The following GALNT15 variants were observed in gnomAD, a reference collection of about 807,000 sequenced individuals.
The protein encoded by GALNT15 is UDP-GalNAc transferase T15.
Under a neutral mutation model 66.8 loss-of-function variants are expected in GALNT15, and 67 were observed. The observed-to-expected ratio is 1.00, with a 90% CI of 0.82 to 1.23. The LOEUF (loss-of-function observed/expected upper bound fraction) is 1.23, where lower values mean the gene tolerates loss of function less well. GALNT15 is among the 50% of genes most tolerant of loss of function. The pLI is 0.00. For synonymous variants in GALNT15, 313 were observed against 311.5 expected (o/e 1.00, Z -0.05); for missense variants, 827 against 804.3 (o/e 1.03, Z -0.34).
In GALNT15 at chr3:16,209,588, C is replaced by A. The variant is rs1226518000; in HGVS notation, c.1079+918C>A. On this transcript the variant is annotated intron_variant, in intron 4 of 9. Transcript: ENST00000339732. The surrounding 1 kb of genome is among the most constrained non-coding windows in gnomAD (Gnocchi z 4.1). ...ATCCTAGCACTTTGGGAGGCAGAGG[C>A]GGGCTGATCACTCGAGGCCAGGAGT... 1.3e-5 allele frequency among the ~76,000 whole-genome samples: 2 copies of A among 152,036 alleles called. No individual in the cohort carries two copies. The highest frequency in any genetic ancestry group is 1.5e-5 in the Non-Finnish European group (1 of 68,012).
In GALNT15 at chr3:16,227,498, T is replaced by C. The variant is rs138151882; in HGVS notation, c.1918T>C (p.Ter640ArgextTer39). 5.5e-5 allele frequency: 89 copies of C among 1,614,156 alleles called. No individual in the cohort carries two copies. The highest frequency in any genetic ancestry group is 4.9e-4 in the Middle Eastern group (3 of 6,062). ...FDQINAVDER[*>R] The stretch of plus-strand genomic sequence containing the variant: ...CCAGATCAATGCTGTGGATGAACGA[T>C]GAATGTCAATGTCAGAAGGAAAAGA... Residue 640 changes from the stop codon to arginine (R), a stop_lost, in exon 10 of 10, where the codon TGA (stop) becomes CGA (arginine). Coordinates refer to ENST00000339732, the MANE Select transcript of GALNT15 (RefSeq NM_054110.5). The surrounding 1 kb of genome is among the most constrained non-coding windows in gnomAD (Gnocchi z 4.5).
Position 16,219,878 on chromosome 3 carries a change from GA to G in GALNT15, c.1525-30del. 1 of 1,555,110 alleles carries G rather than the reference GA, an allele frequency of 6.4e-7. No individual in the cohort carries two copies. The highest frequency in any genetic ancestry group is 8.9e-7 in the Non-Finnish European group (1 of 1,126,722). On this transcript the variant is annotated intron_variant, in intron 7 of 9. Transcript: ENST00000339732. The surrounding 1 kb of genome is among the most constrained non-coding windows in gnomAD (Gnocchi z 4.3). ...GAGGGTGTCTTTACAGTGGAATCTG[GA>G]ATTCACTCCTGTGTGTGTGTCCACT... is the stretch of plus-strand genomic sequence containing the variant.
In GALNT15 at chr3:16,211,422, C is replaced by T. The variant is rs2063813699; in HGVS notation, c.1197+181C>T. Among the ~76,000 whole-genome samples, 1 of 152,214 alleles carries T rather than the reference C, an allele frequency of 6.6e-6. No homozygotes were observed. The highest frequency in any genetic ancestry group is 2.4e-5 in the African/African-American group (1 of 41,458). On this transcript the variant is annotated intron_variant, in intron 5 of 9. Coordinates refer to ENST00000339732, the MANE Select transcript of GALNT15 (RefSeq NM_054110.5). This position sits in a 1 kb window ranked among gnomAD's most constrained non-coding sequence, Gnocchi z 4.3. ...CTCACAGTTTCCCATCTCTCCTGTG[C>T]TGTAGCTTGGTTTCACTCTCAGTGC... is the stretch of plus-strand genomic sequence containing the variant.
chr3:16,246,620 C>G, the GALNT15 span, among the ~76,000 whole-genome samples: 2 of 152,064 alleles, frequency 1.3e-5, no homozygotes, highest in Non-Finnish European at 2.9e-5. Context: ...CCGCGCCCAG[C>G]CTGAAAAGGA....
At chr3:16,201,579 T>G (rs954748341) in intron 3 of GALNT15, among the ~76,000 whole-genome samples, 7 of 152,138 alleles carry the variant, frequency 4.6e-5, no homozygotes, top group African/African-American at 1.7e-4. Flanking sequence ...AAAGAAAACA[T>G]TATGTTCTCT....
At chr3:16,221,082 T>C (rs914628800) in intron 8 of GALNT15, among the ~76,000 whole-genome samples, 1 of 152,182 alleles carries the variant, frequency 6.6e-6, no homozygotes, top group African/African-American at 2.4e-5. Flanking sequence ...ATTTTCTAGC[T>C]GTGTGATCTT....
Position 16,228,198 on chromosome 3 carries a change from C to G in GALNT15, c.*698C>G. Reference sequence around the variant, plus strand: ...AGAGAATTTCCTTCCTACTGAGAATCTACCTCTATTCCCCCTGCCCTAGCT... The same window carrying G: ...AGAGAATTTCCTTCCTACTGAGAATGTACCTCTATTCCCCCTGCCCTAGCT... On this transcript the variant is annotated 3_prime_UTR_variant, in exon 10 of 10. Transcript: ENST00000339732. The G allele has an allele frequency of 1.0e-6, 1 of 985,944 alleles. No individual in the cohort carries two copies. 61.1% of individuals were successfully genotyped at this position (985,944 alleles called of 1,614,324 possible). A position where few individuals can be genotyped will look rare whatever the true frequency, so the allele number is the denominator to read the frequency against.
At chr3:16,234,065 G>A (rs1421082275), downstream of GALNT15, among the ~76,000 whole-genome samples, 1 of 152,144 alleles carries the variant, frequency 6.6e-6, no homozygotes, top group South Asian at 2.1e-4. Context: ...ACATCTAATA[G>A]CTAAACATGA....
Position 16,187,588 on chromosome 3 carries a change from C to A in GALNT15, c.540-8172C>A, listed in dbSNP as rs1001497739. 6.6e-6 allele frequency among the ~76,000 whole-genome samples: 1 copy of A among 152,206 alleles called. No homozygotes were observed. Among genetic ancestry groups the A allele is most frequent in the Non-Finnish European group, 1.5e-5 (1 of 68,044 alleles). ...TAATCTTGGGAATTCTCGAATGTCA[C>A]TTCTAGTACATTCTATTGGTCTAAG... On this transcript the variant is annotated intron_variant, in intron 1 of 9. Transcript: ENST00000339732. The surrounding 1 kb of genome is among the most constrained non-coding windows in gnomAD (Gnocchi z 5.1).
At chr3:16,201,867 T>A (rs2063707316) in intron 3 of GALNT15, among the ~76,000 whole-genome samples, 1 of 152,202 alleles carries the variant, frequency 6.6e-6, no homozygotes, top group South Asian at 2.1e-4. Context: ...AACTGAAACC[T>A]GGTGGCTGGC....
Position 16,195,913 on chromosome 3 carries a change from C to A in GALNT15, c.693C>A (p.Asp231Glu). 1.9e-6 allele frequency: 3 copies of A among 1,614,062 alleles called. No homozygotes were observed. The highest frequency in any genetic ancestry group is 2.5e-6 in the Non-Finnish European group (3 of 1,179,978). The change falls in exon 2 of 10, where the codon GAC becomes GAA. Residue 231 changes from aspartate to glutamate, a missense_variant. Asp to Glu is a conservative substitution (Grantham distance 45). Coordinates refer to ENST00000339732, the MANE Select transcript of GALNT15 (RefSeq NM_054110.5). The surrounding 1 kb of genome is among the most constrained non-coding windows in gnomAD (Gnocchi z 4.6). Reference protein sequence around the residue: ...AFLKEIILVDDLSQQGQLKSA... With the variant: ...AFLKEIILVDELSQQGQLKSA... ...TGAAGGAGATCATCCTCGTGGACGACCTCAGCCAGCAAGGTAGCCACGGCT... is the reference window on the plus strand; with the variant it reads ...TGAAGGAGATCATCCTCGTGGACGAACTCAGCCAGCAAGGTAGCCACGGCT...
rs2063473298 is a variant in GALNT15, at chr3:16,181,720, A to G, written c.539+6030A>G. On this transcript the variant is annotated intron_variant, in intron 1 of 9. Transcript: ENST00000339732. This position sits in a 1 kb window ranked among gnomAD's most constrained non-coding sequence, Gnocchi z 5.9. ...ATGCCCTTCGGGATGAGGGACAAGAACAGGAACAAGCTGGGCTTGAGACCT... is the reference window on the plus strand; with the variant it reads ...ATGCCCTTCGGGATGAGGGACAAGAGCAGGAACAAGCTGGGCTTGAGACCT... Among the ~76,000 whole-genome samples, 1 of 152,156 alleles carries G rather than the reference A, an allele frequency of 6.6e-6. No individual in the cohort carries two copies. The highest frequency in any genetic ancestry group is 2.4e-5 in the African/African-American group (1 of 41,442).
intron 6 of GALNT15, among the ~76,000 whole-genome samples, chr3:16,214,480 G>A: frequency 6.6e-6 from 1 of 152,230 alleles, no homozygotes; most frequent in East Asian, 1.9e-4. Flanking sequence ...CACTTTAGAT[G>A]AGTGCCTGGC....
At position 16,224,062 on chromosome 3, in the gene GALNT15, C is replaced by T. The variant is rs894015828; in HGVS notation, c.1773+1304C>T. On this transcript the variant is annotated intron_variant, in intron 9 of 9. Coordinates refer to ENST00000339732, the MANE Select transcript of GALNT15 (RefSeq NM_054110.5). This position sits in a 1 kb window ranked among gnomAD's most constrained non-coding sequence, Gnocchi z 5.2. ...CATAAAGTATTTTTCTAAGCAAGTC[C>T]TATGAATAAGATATACTTTAGAAAC... is the stretch of plus-strand genomic sequence containing the variant. Among the ~76,000 whole-genome samples the T allele has an allele frequency of 6.6e-6, 1 of 151,808 alleles. No individual in the cohort carries two copies. Among genetic ancestry groups the T allele is most frequent in the Admixed American group, 6.6e-5 (1 of 15,230 alleles).
At chr3:16,190,466 G>A (rs1221286673) in intron 1 of GALNT15, among the ~76,000 whole-genome samples, 3 of 151,958 alleles carry the variant, frequency 2.0e-5, no homozygotes, top group East Asian at 1.9e-4. Flanking sequence ...GTGAAACCCC[G>A]TCTCTACTAA....
At chr3:16,177,575 G>A (rs1462851473) in intron 1 of GALNT15, among the ~76,000 whole-genome samples, 2 of 152,226 alleles carry the variant, frequency 1.3e-5, no homozygotes, top group Non-Finnish European at 2.9e-5. Flanking sequence ...GATATGATAT[G>A]CACAGCTATG....
intron 3 of GALNT15, among the ~76,000 whole-genome samples, chr3:16,206,150 G>A (rs750651874): frequency 1.3e-5 from 2 of 152,144 alleles, no homozygotes; most frequent in African/African-American, 2.4e-5. Context: ...GCCAAGGCTG[G>A]CAGATCACTT....
intron 6 of GALNT15, among the ~76,000 whole-genome samples, chr3:16,216,241 C>A (rs1471705667): frequency 1.3e-5 from 2 of 152,040 alleles, no homozygotes; most frequent in Non-Finnish European, 2.9e-5. Flanking sequence ...AGTGAGGGAC[C>A]AAAGCAAGTT....
downstream of GALNT15, among the ~76,000 whole-genome samples, chr3:16,232,508 A>ATTTATT (rs1553689266): frequency 1.3e-5 from 1 of 78,630 alleles, no homozygotes; most frequent in African/African-American, 6.1e-5. Context: ...ATATATATAT[A>ATTTATT]TATTTATTTA....
Sources: allele counts gnomAD v4.1 joint callset (sites outside exome capture counted in the v4.1 genomes callset), GRCh38; gene constraint gnomAD v4.1.1; non-coding constraint Gnocchi (gnomAD v3.1); transcripts MANE v1.5; gene names NCBI Gene and HGNC (gene_info 2026-07-23, HGNC 2026-07-21).